The following XKR9 variants were observed in gnomAD, a reference collection of about 807,000 sequenced individuals.
The protein encoded by XKR9 is XK-related protein 9.
XKR9 carries 32 observed loss-of-function variants against 32.0 expected under a neutral mutation model. That is an observed-to-expected ratio of 1.00 (90% CI 0.76 to 1.34). The LOEUF (loss-of-function observed/expected upper bound fraction) is 1.34. XKR9 is among the 40% of genes most tolerant of loss of function. The pLI is 0.00. For synonymous variants in XKR9, 168 were observed against 143.4 expected (o/e 1.17, Z -1.22); for missense variants, 546 against 429.7 (o/e 1.27, Z -2.39).
intron 3 of XKR9, among the ~76,000 whole-genome samples, chr8:70,701,594 C>G (rs774260934): frequency 6.6e-6 from 1 of 152,060 alleles, no homozygotes; most frequent in Non-Finnish European, 1.5e-5. Context: ...GAGAAATGAG[C>G]AAAAATTAGA....
At chr8:70,769,226 A>C (rs944836885) in intron 2 of XKR9, among the ~76,000 whole-genome samples, 1 of 147,554 alleles carries the variant, frequency 6.8e-6, no homozygotes, top group Non-Finnish European at 1.5e-5. Flanking sequence ...GGGTTGAAAA[A>C]TCTTTTTTTT....
the XKR9 span, among the ~76,000 whole-genome samples, chr8:70,814,207 A>G: frequency 1.3e-5 from 2 of 151,446 alleles, no homozygotes; most frequent in Non-Finnish European, 2.9e-5. Context: ...AAAACCAAAC[A>G]CCGCATGTTG....
downstream of XKR9, among the ~76,000 whole-genome samples, chr8:70,739,836 C>T (rs545574964): frequency 4.6e-5 from 7 of 152,310 alleles, no homozygotes; most frequent in African/African-American, 1.4e-4. Context: ...CCGAGAGATC[C>T]GCCGTTGGTC....
rs1040160018 is a variant in XKR9 at position 70,754,091 on chromosome 8, A to G, written n.353-35248A>G. Among the ~76,000 whole-genome samples the G allele has an allele frequency of 9.5e-5, 14 of 146,620 alleles. 1 individual carries two copies. The highest frequency in any genetic ancestry group is 1.6e-4 in the Non-Finnish European group (11 of 66,848). ...GTCTCAGGATACAAAATCAATGTACAAAACTCACAAGCATTCTTATACACC... is the reference window on the plus strand; with the variant it reads ...GTCTCAGGATACAAAATCAATGTACGAAACTCACAAGCATTCTTATACACC... On this transcript the variant is annotated intron_variant and non_coding_transcript_variant, in intron 2 of 3. Coordinates refer to the XKR9 transcript ENST00000520273.
the XKR9 span, among the ~76,000 whole-genome samples, chr8:70,820,994 A>G: frequency 6.6e-6 from 1 of 152,172 alleles, no homozygotes; most frequent in South Asian, 2.1e-4. Context: ...GTCTTAATTA[A>G]TTCCAGCATT....
the XKR9 span, among the ~76,000 whole-genome samples, chr8:70,878,456 G>A: frequency 2.2e-4 from 33 of 152,044 alleles, no homozygotes; most frequent in African/African-American, 7.7e-4. Flanking sequence ...AGGGGTGGAG[G>A]AAGATCTACC....
At position 70,681,020 on chromosome 8, in the gene XKR9, G is replaced by C; in HGVS notation, c.-39G>C. ...TGGCTTTTTTTCCCTTTTTGTGAGG[G>C]AGAAAAAAGTAGATAACGAAAAGCT... On this transcript the variant is annotated 5_prime_UTR_variant, in exon 3 of 5. Transcript: ENST00000408926. 1 of 1,559,630 alleles carries C rather than the reference G, an allele frequency of 6.4e-7. No individual in the cohort carries two copies. Among genetic ancestry groups the C allele is most frequent in the Non-Finnish European group, 8.7e-7 (1 of 1,155,220 alleles).
the XKR9 span, among the ~76,000 whole-genome samples, chr8:70,800,146 T>G: frequency 1.7e-3 from 253 of 152,348 alleles, 1 homozygote; most frequent in African/African-American, 5.9e-3. Flanking sequence ...TAGTTCTGTT[T>G]ATGTGATGAA....
At chr8:70,739,981 G>A (rs1451308897), downstream of XKR9, among the ~76,000 whole-genome samples, 10 of 152,058 alleles carry the variant, frequency 6.6e-5, no homozygotes, top group South Asian at 4.1e-4. Flanking sequence ...TCTTTGTGGC[G>A]TTCTCTGTAT....
At chr8:70,990,447 A>C in the XKR9 span, among the ~76,000 whole-genome samples, 1 of 152,216 alleles carries the variant, frequency 6.6e-6, no homozygotes, top group Non-Finnish European at 1.5e-5. Context: ...ACAATCCTAC[A>C]AAAAGGAAAG....
the XKR9 span, among the ~76,000 whole-genome samples, chr8:70,861,126 A>C: frequency 6.6e-6 from 1 of 151,976 alleles, no homozygotes; most frequent in African/African-American, 2.4e-5. Context: ...AAACAAACTA[A>C]ATTTTTGGAT....
At chr8:70,838,394 C>T in the XKR9 span, among the ~76,000 whole-genome samples, 71 of 151,964 alleles carry the variant, frequency 4.7e-4, no homozygotes, top group Non-Finnish European at 9.3e-4. Flanking sequence ...CATTACCCAC[C>T]GTTTTACAGA....
rs1013683381 is a variant in XKR9, at chr8:70,770,092, C to G, written n.353-19247C>G. Among the ~76,000 whole-genome samples, 4 of 152,134 alleles carry G rather than the reference C, an allele frequency of 2.6e-5. 1 individual carries two copies. The highest frequency in any genetic ancestry group is 5.9e-5 in the Non-Finnish European group (4 of 68,030). On this transcript the variant is annotated intron_variant and non_coding_transcript_variant, in intron 2 of 3. Coordinates refer to the XKR9 transcript ENST00000520273. ...CATCATGGATTTATCTACTGTTGCT[C>G]TTTAATGCAGAGGACCTTTGGATTG... is the stretch of plus-strand genomic sequence containing the variant.
At chr8:71,006,129 T>C in the XKR9 span, among the ~76,000 whole-genome samples, 3 of 152,230 alleles carry the variant, frequency 2.0e-5, no homozygotes, top group African/African-American at 7.2e-5. Flanking sequence ...AAGGCAGTAC[T>C]GAGTGAAAGT....
At chr8:71,060,132 G>C in the XKR9 span, among the ~76,000 whole-genome samples, 1 of 152,158 alleles carries the variant, frequency 6.6e-6, no homozygotes, top group African/African-American at 2.4e-5. Context: ...TCCATGACTA[G>C]TTACATGTGG....
the XKR9 span, among the ~76,000 whole-genome samples, chr8:70,960,176 C>T: frequency 2.6e-5 from 4 of 151,556 alleles, no homozygotes; most frequent in South Asian, 2.1e-4. Context: ...ACCTGGGAGG[C>T]GGAGGTTGCA....
At chr8:70,813,043 T>C in the XKR9 span, among the ~76,000 whole-genome samples, 16 of 152,040 alleles carry the variant, frequency 1.1e-4, no homozygotes, top group Admixed American at 3.9e-4. Flanking sequence ...CTTCAAACTA[T>C]ACTACAAGGC....
At chr8:70,676,377 G>T (rs1818889764) in intron 2 of XKR9, among the ~76,000 whole-genome samples, 1 of 152,156 alleles carries the variant, frequency 6.6e-6, no homozygotes, top group East Asian at 1.9e-4. Flanking sequence ...GTCCTATTAA[G>T]TCAGTAAGTG....
chr8:70,752,972 C>A (rs1807163732), intron 2 of XKR9, among the ~76,000 whole-genome samples: 1 of 152,156 alleles, frequency 6.6e-6, no homozygotes, highest in Non-Finnish European at 1.5e-5. Context: ...ATTAATGAAT[C>A]CAGGAGCTGA....
Sources: allele counts gnomAD v4.1 joint callset (sites outside exome capture counted in the v4.1 genomes callset), GRCh38; gene constraint gnomAD v4.1.1; transcripts MANE v1.5; gene names NCBI Gene and HGNC (gene_info 2026-07-23, HGNC 2026-07-21).